The following EML6 variants were observed in gnomAD, a reference collection of about 807,000 sequenced individuals.
The protein encoded by EML6 is echinoderm microtubule-associated protein-like 6.
In EML6, 154 loss-of-function variants were observed where a neutral mutation model predicts 240.1. That is an observed-to-expected ratio of 0.64 (90% CI 0.56 to 0.73). The LOEUF is 0.73. EML6 is among the 30% of genes least tolerant of loss of function. EML6 has a pLI of 0.00. For synonymous variants in EML6, 1,148 were observed against 899.0 expected (o/e 1.28, Z -4.95); for missense variants, 2,964 against 2,474.6 (o/e 1.20, Z -4.20).
chr2:54,882,902 G>C (rs1671912972), intron 17 of EML6: 1 of 125,074 alleles, frequency 8.0e-6, no homozygotes, highest in African/African-American at 2.9e-5. Flanking sequence ...CTAAGCTTAT[G>C]CATATGGCAG....
intron 17 of EML6, among the ~76,000 whole-genome samples, chr2:54,884,858 C>A (rs1009851024): frequency 6.6e-6 from 1 of 152,118 alleles, no homozygotes; most frequent in Non-Finnish European, 1.5e-5. Flanking sequence ...GATTTTGTAT[C>A]TAGGGAGATT....
At chr2:54,883,701 GT>G (rs1440020950) in intron 17 of EML6, among the ~76,000 whole-genome samples, 1 of 152,100 alleles carries the variant, frequency 6.6e-6, no homozygotes, top group Non-Finnish European at 1.5e-5. Flanking sequence ...TTTGTATTTT[GT>G]TTTGCTTACA....
rs371055999 is a variant in EML6, at chr2:54,954,140, C to T, written c.4470C>T (p.Val1490=). The part of the protein sequence containing the change: ...VGVDPEHTIT[V]WRWQEGAKVA... ...TGGACCCTGAGCACACCATCACTGTCTGGCGATGGCAGGAAGGTAAACCAG... is the reference window on the plus strand; with the variant it reads ...TGGACCCTGAGCACACCATCACTGTTTGGCGATGGCAGGAAGGTAAACCAG... The change falls in exon 32 of 42, where the codon GTC becomes GTT. Residue 1490 remains valine, a synonymous_variant. Transcript: ENST00000356458. 4.5e-6 allele frequency: 7 copies of T among 1,551,100 alleles called. No homozygotes were observed. The African/African-American group carries it at 9.6e-5, about 21-fold the overall frequency.
At chr2:54,875,391 G>C (rs1671453535) in intron 16 of EML6, among the ~76,000 whole-genome samples, 1 of 152,202 alleles carries the variant, frequency 6.6e-6, no homozygotes, top group African/African-American at 2.4e-5. Flanking sequence ...ACACTCAACA[G>C]TTACGATTTA....
intron 25 of EML6, 27 bp from the exon 26 acceptor site, chr2:54,916,732 A>C (rs975844077): frequency 1.8e-4 from 263 of 1,466,694 alleles, no homozygotes; most frequent in Non-Finnish European, 2.3e-4. Context: ...TTGTGCAAAA[A>C]TATCATTCTC....
chr2:54,967,158 T>A, intron 39 of EML6, 55 bp downstream of exon 39: 3 of 1,133,818 alleles, frequency 2.6e-6, no homozygotes, highest in Non-Finnish European at 3.9e-6. Context: ...GTCTCTTGTC[T>A]CACTCAGGCT....
intron 24 of EML6, among the ~76,000 whole-genome samples, chr2:54,907,657 G>A (rs947299455): frequency 1.3e-5 from 2 of 152,148 alleles, no homozygotes; most frequent in African/African-American, 2.4e-5. Context: ...TGATGTATGT[G>A]GATCACTTTG....
chr2:54,825,238 C>T (rs1162774910), intron 5 of EML6, among the ~76,000 whole-genome samples: 1 of 152,202 alleles, frequency 6.6e-6, no homozygotes, highest in Non-Finnish European at 1.5e-5. Flanking sequence ...AACTGTCTGC[C>T]TTAAGCATTG....
intron 2 of EML6, among the ~76,000 whole-genome samples, chr2:54,794,531 C>T (rs1051177250): frequency 6.6e-6 from 1 of 152,150 alleles, no homozygotes; most frequent in Non-Finnish European, 1.5e-5. Context: ...CAGATACTTT[C>T]AGCACCCCTC....
intron 2 of EML6, among the ~76,000 whole-genome samples, chr2:54,751,470 G>C (rs1297163658): frequency 2.0e-5 from 3 of 151,988 alleles, no homozygotes; most frequent in Non-Finnish European, 4.4e-5. Flanking sequence ...GAACAGAGAG[G>C]ATTAAATTAG....
chr2:54,860,137 G>T (rs1354543999), intron 12 of EML6, among the ~76,000 whole-genome samples: 1 of 152,138 alleles, frequency 6.6e-6, no homozygotes, highest in Non-Finnish European at 1.5e-5. Flanking sequence ...CCTACCCTGC[G>T]CACTGCTTCC....
intron 2 of EML6, among the ~76,000 whole-genome samples, chr2:54,810,723 A>G (rs1667798728): frequency 6.6e-6 from 1 of 152,078 alleles, no homozygotes; most frequent in Non-Finnish European, 1.5e-5. Flanking sequence ...CTCTTCAAGT[A>G]TTTTGTTAAT....
At chr2:54,837,158 G>T (rs1321230181) in intron 7 of EML6, among the ~76,000 whole-genome samples, 1 of 152,130 alleles carries the variant, frequency 6.6e-6, no homozygotes, top group Non-Finnish European at 1.5e-5. Context: ...TCCTTAATAA[G>T]GTTAGGTTTA....
In EML6 at chr2:54,895,259, A is replaced by G. The variant is rs1672702047; in HGVS notation, c.2855-14A>G. The G allele has an allele frequency of 2.6e-6, 4 of 1,551,344 alleles. No individual in the cohort carries two copies. The highest frequency in any genetic ancestry group is 2.6e-6 in the Non-Finnish European group (3 of 1,146,746). ...TTTTTGTTATTGTGTTAAATATACC[A>G]TCCCCTTCCCCAGGCTTGCTTTTGG... is the stretch of plus-strand genomic sequence containing the variant. On this transcript the variant is annotated splice_polypyrimidine_tract_variant and intron_variant, in intron 20 of 41. Coordinates refer to ENST00000356458, the MANE Select transcript of EML6 (RefSeq NM_001039753.4).
intron 22 of EML6, among the ~76,000 whole-genome samples, chr2:54,902,479 ACCCT>A (rs1673109860): frequency 6.6e-6 from 1 of 152,184 alleles, no homozygotes; most frequent in East Asian, 1.9e-4. Flanking sequence ...TGCTCACTGC[ACCCT>A]CCACCTCCAA....
Position 54,964,097 on chromosome 2 carries a change from G to A in EML6, c.5269G>A (p.Val1757Met), listed in dbSNP as rs1376971089. 2 of 1,551,752 alleles carry A rather than the reference G, an allele frequency of 1.3e-6. No individual in the cohort carries two copies. The highest frequency in any genetic ancestry group is 2.0e-5 in the Admixed American group (1 of 51,012). The change falls in exon 37 of 42, where the codon GTG becomes ATG. Residue 1757 changes from valine (V) to methionine (M), a missense_variant. By Grantham distance (21) the Val-to-Met change is conservative (BLOSUM62 1). Transcript: ENST00000356458. Reference protein sequence around the residue: ...MKNGEFVILLVNSLKVWGKKR... With the variant: ...MKNGEFVILLMNSLKVWGKKR... The stretch of plus-strand genomic sequence containing the variant: ...GAATGGAGAGTTTGTCATCTTGTTG[G>A]TGAACAGCCTGAAAGTTTGGGGGAA...
chr2:54,947,898 C>G (rs1317387226), intron 28 of EML6, among the ~76,000 whole-genome samples: 2 of 152,176 alleles, frequency 1.3e-5, no homozygotes, highest in African/African-American at 2.4e-5. Context: ...GTGTGCCACA[C>G]AGGAATGTCT....
chr2:54,827,515 A>G, intron 5 of EML6, 51 bp from the exon 6 acceptor site: 3 of 1,424,592 alleles, frequency 2.1e-6, no homozygotes, highest in African/African-American at 1.4e-5. Context: ...CACCAATGCA[A>G]TACATCCGAA....
At chr2:54,899,037 C>T (rs1249488547) in intron 21 of EML6, among the ~76,000 whole-genome samples, 2 of 152,170 alleles carry the variant, frequency 1.3e-5, no homozygotes, top group Non-Finnish European at 2.9e-5. Context: ...GGCACATGGA[C>T]AGACCAATTT....
Sources: allele counts gnomAD v4.1 joint callset (sites outside exome capture counted in the v4.1 genomes callset), GRCh38; gene constraint gnomAD v4.1.1; transcripts MANE v1.5; gene names NCBI Gene and HGNC (gene_info 2026-07-23, HGNC 2026-07-21).